Variants in MAST4 observed in about 807,000 individuals in gnomAD.
MAST4 encodes microtubule-associated serine/threonine-protein kinase 4.
Under a neutral mutation model 162.7 loss-of-function variants are expected in MAST4, and 89 were observed. The ratio of observed to expected loss-of-function variants is 0.55; its 90% confidence interval spans 0.46 to 0.65. The LOEUF (loss-of-function observed/expected upper bound fraction) is 0.65. Ranked by LOEUF, MAST4 falls within the 30% of genes least tolerant of loss-of-function variation. The pLI is 0.00. For missense variants in MAST4, 3,153 were observed against 3,374.0 expected, an observed-to-expected ratio of 0.93 and a Z score of 1.62; for synonymous variants, 1,479 against 1,361.1, an observed-to-expected ratio of 1.09 and a Z score of -1.91.
intron 26 of MAST4, among the ~76,000 whole-genome samples, chr5:67,155,881 G>A (rs763243972): frequency 6.6e-6 from 1 of 152,030 alleles, no homozygotes; most frequent in East Asian, 1.9e-4. Flanking sequence ...CCAAGATGGC[G>A]AAACCCCATC....
chr5:66,802,525 A>G (rs1205506657), intron 3 of MAST4, among the ~76,000 whole-genome samples: 1 of 152,128 alleles, frequency 6.6e-6, no homozygotes, highest in African/African-American at 2.4e-5. Flanking sequence ...TTGCATATGT[A>G]AAGGGTTAAA....
chr5:66,993,099 A>C (rs1750231032), intron 4 of MAST4, among the ~76,000 whole-genome samples: 3 of 152,210 alleles, frequency 2.0e-5, no homozygotes, highest in African/African-American at 7.2e-5. Context: ...TGGTTCATTT[A>C]TTAATAAACC....
intron 3 of MAST4, among the ~76,000 whole-genome samples, chr5:66,842,530 G>A (rs150516066): frequency 4.3e-4 from 66 of 151,988 alleles, no homozygotes; most frequent in African/African-American, 1.4e-3. Flanking sequence ...CACATTAGCT[G>A]GTAGCTCCTG....
chr5:66,857,299 A>G (rs553869589), intron 3 of MAST4, among the ~76,000 whole-genome samples: 5 of 152,332 alleles, frequency 3.3e-5, no homozygotes, highest in African/African-American at 1.2e-4. Context: ...TCCCCTAACA[A>G]TAAACATGTT....
intron 4 of MAST4, among the ~76,000 whole-genome samples, chr5:66,906,166 T>G (rs1763339949): frequency 6.6e-6 from 1 of 152,198 alleles, no homozygotes; most frequent in Non-Finnish European, 1.5e-5. Context: ...AAGAGCCTGT[T>G]TTGTCAGTCT....
At chr5:66,877,830 T>A (rs1761407598) in intron 3 of MAST4, among the ~76,000 whole-genome samples, 1 of 152,236 alleles carries the variant, frequency 6.6e-6, no homozygotes, top group Non-Finnish European at 1.5e-5. Context: ...TACTAGGTAC[T>A]AAATTATGAT....
At chr5:66,957,658 G>T (rs1044625047) in intron 4 of MAST4, among the ~76,000 whole-genome samples, 1 of 152,164 alleles carries the variant, frequency 6.6e-6, no homozygotes, top group Non-Finnish European at 1.5e-5. Context: ...ATTAACAAAT[G>T]CCCCAGAGCA....
At position 66,818,226 on chromosome 5, in the gene MAST4, GTTA is replaced by G. The variant is rs1021799548; in HGVS notation, c.642+29436_642+29438del. Among the ~76,000 whole-genome samples the G allele has an allele frequency of 2.6e-5, 4 of 152,136 alleles. No individual in the cohort carries two copies. The East Asian group carries it at 7.7e-4, about 29-fold the overall frequency. ...TCTATTACTTTTATAATTTTAAAATGTTATTAAGAAAACTAGGCATACGTTTGC... is the reference window on the plus strand; with the variant it reads ...TCTATTACTTTTATAATTTTAAAATGTTAAGAAAACTAGGCATACGTTTGC... On this transcript the variant is annotated intron_variant, in intron 3 of 28. Transcript: ENST00000403625.
At chr5:67,155,764 A>G (rs143538887) in intron 26 of MAST4, among the ~76,000 whole-genome samples, 11 of 152,254 alleles carry the variant, frequency 7.2e-5, no homozygotes, top group African/African-American at 2.6e-4. Flanking sequence ...AGGGCCAAAC[A>G]AAAATGACAC....
rs755533285 is a variant in MAST4 at position 67,165,672 on chromosome 5, G to A, written c.6493G>A (p.Ala2165Thr). Reference sequence around the variant, plus strand: ...CCACGCTTCTGGCAGAGAGCCGGGGGCCAAGCCCAGCACTGCAGAGCCCAG... The same window carrying A: ...CCACGCTTCTGGCAGAGAGCCGGGGACCAAGCCCAGCACTGCAGAGCCCAG... ...PSHASGREPGAKPSTAEPSSS... is the reference protein window; with the variant it reads ...PSHASGREPGTKPSTAEPSSS... Residue 2165 changes from alanine (A) to threonine (T), a missense_variant, in exon 29 of 29, where the codon GCC becomes ACC. Ala to Thr is a moderately conservative substitution (Grantham distance 58, BLOSUM62 0). Coordinates refer to ENST00000403625, the MANE Select transcript of MAST4 (RefSeq NM_001164664.2). 4 of 1,593,346 alleles carry A rather than the reference G, an allele frequency of 2.5e-6. No individual in the cohort carries two copies. The South Asian group carries it at 3.4e-5, about 14-fold the overall frequency.
At chr5:67,154,865 A>C (rs145609797) in intron 26 of MAST4, among the ~76,000 whole-genome samples, 35 of 152,340 alleles carry the variant, frequency 2.3e-4, no homozygotes, top group Non-Finnish European at 4.9e-4. Context: ...TTCCTTCCAA[A>C]TTTAACCAGT....
chr5:66,909,083 C>A (rs71626463), intron 4 of MAST4, among the ~76,000 whole-genome samples: 4,986 of 152,214 alleles, frequency 0.033, 149 homozygotes, highest in African/African-American at 0.076. Context: ...AGACAAAAGA[C>A]CACAAAGTAG....
intron 3 of MAST4, among the ~76,000 whole-genome samples, chr5:66,836,595 A>G (rs181269902): frequency 1.4e-4 from 21 of 152,310 alleles, no homozygotes; most frequent in Admixed American, 7.2e-4. Flanking sequence ...CATATACAAT[A>G]TGGAATACTG....
chr5:67,142,915 A>C (rs748335685), intron 21 of MAST4: 5 of 169,874 alleles, frequency 2.9e-5, no homozygotes, highest in African/African-American at 4.8e-5. Context: ...TGTGACTGCT[A>C]CTTATATGAT....
chr5:66,658,968 G>A (rs572055938), intron 1 of MAST4, among the ~76,000 whole-genome samples: 1 of 152,264 alleles, frequency 6.6e-6, no homozygotes, highest in East Asian at 1.9e-4. Flanking sequence ...GCTGCAGTGA[G>A]CTATGATTGT....
chr5:66,729,413 T>C (rs1193716979), intron 1 of MAST4, among the ~76,000 whole-genome samples: 1 of 152,196 alleles, frequency 6.6e-6, no homozygotes, highest in Non-Finnish European at 1.5e-5. Context: ...TGAAATTCTA[T>C]ATATTTAAAC....
chr5:66,928,470 C>G (rs1561453688), intron 4 of MAST4, among the ~76,000 whole-genome samples: 1 of 152,226 alleles, frequency 6.6e-6, no homozygotes, highest in Non-Finnish European at 1.5e-5. Flanking sequence ...TTCTTTCACG[C>G]TCAATCCGGG....
At chr5:67,024,404 A>C (rs1200947000) in intron 4 of MAST4, among the ~76,000 whole-genome samples, 2 of 151,326 alleles carry the variant, frequency 1.3e-5, no homozygotes, top group African/African-American at 2.4e-5. Context: ...CTATATGTAT[A>C]CACATACATA....
intron 1 of MAST4, among the ~76,000 whole-genome samples, chr5:66,604,342 A>G (rs1391490737): frequency 6.6e-6 from 1 of 152,202 alleles, no homozygotes; most frequent in African/African-American, 2.4e-5. Context: ...CCTCTCAGAC[A>G]CAGTCGATAT....
Sources: gnomAD v4.1 joint callset for allele counts (sites outside exome capture counted in the v4.1 genomes callset) on GRCh38, gnomAD v4.1.1 for gene constraint, MANE v1.5 for transcripts, NCBI Gene and HGNC (gene_info 2026-07-23, HGNC 2026-07-21) for gene names.